The following KCNH8 variants were observed in gnomAD, a reference collection of about 807,000 sequenced individuals.
The protein encoded by KCNH8 is voltage-gated delayed rectifier potassium channel KCNH8.
In KCNH8, 70 loss-of-function variants were observed where a neutral mutation model predicts 103.6. The ratio of observed to expected loss-of-function variants is 0.68; its 90% CI spans 0.56 to 0.82. KCNH8 has a LOEUF of 0.82. Among genes scored for constraint, KCNH8 ranks in the 40% least tolerant of loss-of-function variants. The pLI is 0.00. For synonymous variants in KCNH8, 498 were observed against 489.4 expected, an observed-to-expected ratio of 1.02 and a Z score of -0.23; for missense variants, 1,217 against 1,329.9, an observed-to-expected ratio of 0.92 and a Z score of 1.32.
intron 1 of KCNH8, among the ~76,000 whole-genome samples, chr3:19,185,050 T>C (rs1224631675): frequency 2.0e-5 from 3 of 151,866 alleles, no homozygotes; most frequent in African/African-American, 7.2e-5. Flanking sequence ...AATTGTTCAG[T>C]TTTTGGCTGT....
chr3:19,519,990 G>C lies in KCNH8; in HGVS notation c.2619+1916G>C, dbSNP rs191994945. ...GTTTGTTATTTTCCTTTGACAATGT[G>C]AATCGGGTAGATCCATTAACAAAAA... On this transcript the variant is annotated intron_variant, in intron 15 of 15. Coordinates refer to ENST00000328405, the MANE Select transcript of KCNH8 (RefSeq NM_144633.3). Among the ~76,000 whole-genome samples the C allele has an allele frequency of 5.2e-3, 782 of 150,286 alleles. 5 individuals are homozygous for C. Among genetic ancestry groups the C allele is most frequent in the African/African-American group, 0.018 (728 of 40,960 alleles).
At chr3:19,464,766 A>G (rs1386638832) in intron 11 of KCNH8, among the ~76,000 whole-genome samples, 2 of 152,100 alleles carry the variant, frequency 1.3e-5, no homozygotes, top group African/African-American at 4.8e-5. Context: ...ACTTGCCATT[A>G]TCCAAATGGC....
intron 7 of KCNH8, among the ~76,000 whole-genome samples, chr3:19,409,189 A>G (rs186927038): frequency 5.3e-4 from 81 of 152,310 alleles, no homozygotes; most frequent in African/African-American, 1.8e-3. Flanking sequence ...AAGGCTTACA[A>G]GCCAAGAGAG....
intron 5 of KCNH8, among the ~76,000 whole-genome samples, chr3:19,359,966 TA>T (rs572104618): frequency 1.2e-3 from 179 of 152,116 alleles, no homozygotes; most frequent in South Asian, 1.7e-3. Flanking sequence ...TTTTGAGCAG[TA>T]TAACTGTAAT....
chr3:19,205,084 C>G (rs866433062), intron 1 of KCNH8, among the ~76,000 whole-genome samples: 5 of 152,086 alleles, frequency 3.3e-5, no homozygotes, highest in African/African-American at 7.2e-5. Context: ...CACCCACCCA[C>G]CAAACCAGTC....
intron 7 of KCNH8, among the ~76,000 whole-genome samples, chr3:19,410,621 A>G (rs2066761409): frequency 6.6e-6 from 1 of 152,044 alleles, no homozygotes; most frequent in African/African-American, 2.4e-5. Context: ...TTCTTAAGAA[A>G]TAAACAAGGT....
intron 1 of KCNH8, among the ~76,000 whole-genome samples, chr3:19,154,142 A>C (rs188733278): frequency 5.3e-5 from 8 of 152,334 alleles, no homozygotes; most frequent in Admixed American, 3.3e-4. Context: ...AATAGTTTCT[A>C]TGCAGGAATG....
intron 3 of KCNH8, among the ~76,000 whole-genome samples, chr3:19,337,969 A>AC (rs2065606440): frequency 6.6e-6 from 1 of 150,788 alleles, no homozygotes; most frequent in African/African-American, 2.4e-5. Flanking sequence ...AAAAAAAATA[A>AC]ACACACACAC....
intron 1 of KCNH8, among the ~76,000 whole-genome samples, chr3:19,153,882 G>A (rs1223325335): frequency 6.6e-6 from 1 of 151,752 alleles, no homozygotes. Context: ...TCCACCCACC[G>A]CGCCCTCCCA....
chr3:19,405,063 T>G (rs74760921), intron 7 of KCNH8, among the ~76,000 whole-genome samples: 3,709 of 151,974 alleles, frequency 0.024, 69 homozygotes, highest in Middle Eastern at 0.041. Flanking sequence ...CTAACTGGCA[T>G]TTTAATTGGA....
chr3:19,366,730 A>G (rs1308062277), intron 5 of KCNH8, among the ~76,000 whole-genome samples: 2 of 152,016 alleles, frequency 1.3e-5, no homozygotes, highest in African/African-American at 4.8e-5. Context: ...CATGGTTTGT[A>G]TTTTCCATCT....
At chr3:19,226,549 A>C (rs1575450299) in intron 1 of KCNH8, among the ~76,000 whole-genome samples, 1 of 149,964 alleles carries the variant, frequency 6.7e-6, no homozygotes, top group African/African-American at 2.5e-5. Flanking sequence ...TGTTTGCTCC[A>C]CCATCTCTCT....
chr3:19,337,567 G>C (rs1412111041), intron 3 of KCNH8, among the ~76,000 whole-genome samples: 1 of 151,822 alleles, frequency 6.6e-6, no homozygotes, highest in Non-Finnish European at 1.5e-5. Flanking sequence ...GAAAGAAAAA[G>C]GGAGGGCCTA....
intron 1 of KCNH8, among the ~76,000 whole-genome samples, chr3:19,215,933 A>G (rs2063813860): frequency 6.6e-6 from 1 of 152,234 alleles, no homozygotes; most frequent in African/African-American, 2.4e-5. Flanking sequence ...AGCCATTTCT[A>G]CAGAGTGTCA....
chr3:19,176,044 G>A (rs150405681), intron 1 of KCNH8, among the ~76,000 whole-genome samples: 8 of 152,244 alleles, frequency 5.3e-5, no homozygotes, highest in African/African-American at 1.4e-4. Flanking sequence ...TTCAAATTAT[G>A]ATGCCAGTAC....
chr3:19,346,821 C>T (rs1182879746), intron 4 of KCNH8: 1 of 382,126 alleles, frequency 2.6e-6, no homozygotes, highest in African/African-American at 2.1e-5. Flanking sequence ...TTATATTTCC[C>T]ATTAATTGAG....
chr3:19,492,030 T>C (rs1010109905), intron 11 of KCNH8, among the ~76,000 whole-genome samples: 1 of 152,240 alleles, frequency 6.6e-6, no homozygotes, highest in Admixed American at 6.5e-5. Flanking sequence ...GTTTGGTTTT[T>C]GCTTGTAAAT....
intron 3 of KCNH8, among the ~76,000 whole-genome samples, chr3:19,284,688 A>G (rs576120492): frequency 2.6e-5 from 4 of 152,094 alleles, no homozygotes; most frequent in Middle Eastern, 3.4e-3. Context: ...ACTTACTTCT[A>G]TGTTCATGTC....
At chr3:19,189,944 T>C (rs2063535644) in intron 1 of KCNH8, among the ~76,000 whole-genome samples, 1 of 150,788 alleles carries the variant, frequency 6.6e-6, no homozygotes, top group African/African-American at 2.5e-5. Flanking sequence ...TTAAAATTCA[T>C]TAACATACTT....
Sources: gnomAD v4.1 joint callset for allele counts (sites outside exome capture counted in the v4.1 genomes callset) on GRCh38, gnomAD v4.1.1 for gene constraint, MANE v1.5 for transcripts, NCBI Gene and HGNC (gene_info 2026-07-23, HGNC 2026-07-21) for gene names.